Variants in PPM1B observed in about 807,000 individuals in gnomAD.
PPM1B encodes the protein protein phosphatase, Mg2+/Mn2+ dependent 1B.
A neutral mutation model predicts 43.0 loss-of-function variants in PPM1B; 22 were observed. The ratio of observed to expected loss-of-function variants is 0.51; its 90% CI spans 0.37 to 0.73. The LOEUF (loss-of-function observed/expected upper bound fraction) is 0.73. Among genes scored for constraint, PPM1B ranks in the 30% least tolerant of loss-of-function variants. The probability of loss-of-function intolerance (pLI) is 0.00; values close to 1 mark genes in which losing one functional copy is unlikely to be tolerated. For synonymous variants in PPM1B, 217 were observed against 197.9 expected, an observed-to-expected ratio of 1.10 and a Z score of -0.81; for missense variants, 632 against 584.2, an observed-to-expected ratio of 1.08 and a Z score of -0.84.
downstream of PPM1B, chr2:44,232,402 A>G (rs1670494570): frequency 6.3e-7 from 1 of 1,596,060 alleles, no homozygotes; most frequent in Non-Finnish European, 8.5e-7. Context: ...AAAACTTTTA[A>G]TCACAATTTT....
intron 2 of PPM1B, among the ~76,000 whole-genome samples, chr2:44,205,354 GGTGTGTGT>G (rs3074507): frequency 1.1e-5 from 1 of 91,720 alleles, no homozygotes; most frequent in Admixed American, 1.3e-4. Context: ...TGTGGGTGTG[GGTGTGTGT>G]GTGTGTGTGT....
intron 3 of PPM1B, among the ~76,000 whole-genome samples, chr2:44,210,788 A>G (rs1669426225): frequency 6.6e-6 from 1 of 152,088 alleles, no homozygotes. Flanking sequence ...ATATATCAGT[A>G]CTACTTAATA....
At chr2:44,227,985 G>C (rs1464972737) in intron 5 of PPM1B, among the ~76,000 whole-genome samples, 1 of 140,782 alleles carries the variant, frequency 7.1e-6, no homozygotes, top group Non-Finnish European at 1.5e-5. Context: ...GCAGTGGTGC[G>C]ATCTCGGGTC....
chr2:44,177,461 C>T (rs1667634823), intron 1 of PPM1B, among the ~76,000 whole-genome samples: 1 of 141,076 alleles, frequency 7.1e-6, no homozygotes, highest in Non-Finnish European at 1.5e-5. Context: ...TCTTGTTGCC[C>T]AGGCTGGAGT....
intron 5 of PPM1B, among the ~76,000 whole-genome samples, chr2:44,228,438 G>T (rs1257406714): frequency 6.6e-6 from 1 of 152,036 alleles, no homozygotes; most frequent in Non-Finnish European, 1.5e-5. Context: ...TCCCAAAGTG[G>T]TGAAATTGCA....
intron 5 of PPM1B, among the ~76,000 whole-genome samples, chr2:44,222,307 C>G (rs928781375): frequency 6.6e-6 from 1 of 152,022 alleles, no homozygotes; most frequent in Non-Finnish European, 1.5e-5. Context: ...TTATTCATTT[C>G]TAGTAATTTT....
intron 1 of PPM1B, among the ~76,000 whole-genome samples, chr2:44,174,016 A>G (rs1357424585): frequency 6.6e-6 from 1 of 152,246 alleles, no homozygotes; most frequent in Non-Finnish European, 1.5e-5. Context: ...CAATTGTAGT[A>G]TTTTAATTTG....
downstream of PPM1B, among the ~76,000 whole-genome samples, chr2:44,235,747 T>A (rs1379378721): frequency 2.0e-5 from 3 of 151,750 alleles, no homozygotes; most frequent in Non-Finnish European, 4.4e-5. Flanking sequence ...AAAAAAATTC[T>A]AAGTACTCTA....
chr2:44,216,372 G>A (rs1313317799), intron 3 of PPM1B, among the ~76,000 whole-genome samples: 2 of 152,112 alleles, frequency 1.3e-5, no homozygotes, highest in African/African-American at 4.8e-5. Context: ...CAAAAAAATT[G>A]TCTGGTGTAA....
At chr2:44,233,021 A>G (rs1670513229), downstream of PPM1B, 2 of 983,530 alleles carry the variant, frequency 2.0e-6, no homozygotes, top group Non-Finnish European at 2.4e-6. Flanking sequence ...AACTCTCACT[A>G]GAAAATCTTT....
At chr2:44,198,804 A>T (rs1469950627) in intron 1 of PPM1B, among the ~76,000 whole-genome samples, 1 of 152,172 alleles carries the variant, frequency 6.6e-6, no homozygotes, top group African/African-American at 2.4e-5. Context: ...GAAGATTCTT[A>T]CTTTTGGTCA....
Position 44,173,324 on chromosome 2 carries a change from T to G in PPM1B, c.-15+4050T>G, listed in dbSNP as rs148441804. On this transcript the variant is annotated intron_variant, in intron 1 of 5. Transcript: ENST00000282412. ...TCAGAGTATTTAAAGATTTTGAGATTTAGTTTTTAGTAACATATAACATCC... is the reference window on the plus strand; with the variant it reads ...TCAGAGTATTTAAAGATTTTGAGATGTAGTTTTTAGTAACATATAACATCC... Among the ~76,000 whole-genome samples the G allele has an allele frequency of 5.9e-5, 9 of 152,386 alleles. No individual in the cohort carries two copies. The East Asian group carries it at 1.7e-3, about 29-fold the overall frequency.
intron 3 of PPM1B, 90 bp downstream of exon 3, chr2:44,209,417 C>G (rs1669350166): frequency 7.4e-7 from 1 of 1,359,494 alleles, no homozygotes; most frequent in Non-Finnish European, 9.9e-7. Flanking sequence ...GGGCGACACA[C>G]CAAGGCTCTG....
intron 2 of PPM1B, among the ~76,000 whole-genome samples, chr2:44,208,544 C>G (rs12712913): frequency 0.56 from 84,980 of 151,680 alleles, 24,519 homozygotes; most frequent in Admixed American, 0.67. Context: ...GAAACCCCAT[C>G]TCTACTAAAT....
downstream of PPM1B, among the ~76,000 whole-genome samples, chr2:44,236,287 T>C (rs934678731): frequency 1.3e-5 from 2 of 150,814 alleles, no homozygotes; most frequent in Non-Finnish European, 3.0e-5. Context: ...CCTGTAGTCC[T>C]AGCTACTCGG....
At chr2:44,209,417 C>A in intron 3 of PPM1B, 90 bp downstream of exon 3, 2 of 1,359,486 alleles carry the variant, frequency 1.5e-6, no homozygotes, top group Non-Finnish European at 2.0e-6. Flanking sequence ...GGGCGACACA[C>A]CAAGGCTCTG....
downstream of PPM1B, among the ~76,000 whole-genome samples, chr2:44,239,326 T>C (rs561383976): frequency 3.3e-5 from 5 of 152,296 alleles, no homozygotes; most frequent in South Asian, 4.1e-4. Context: ...CTCACACCAC[T>C]TGTCCATTTT....
chr2:44,196,275 G>A (rs940700567), intron 1 of PPM1B, among the ~76,000 whole-genome samples: 2 of 151,896 alleles, frequency 1.3e-5, no homozygotes, highest in Non-Finnish European at 2.9e-5. Context: ...GTTTTTTATC[G>A]CCTTGAAAAT....
intron 1 of PPM1B, among the ~76,000 whole-genome samples, chr2:44,178,676 G>C (rs1667713022): frequency 1.3e-5 from 2 of 151,844 alleles, no homozygotes; most frequent in South Asian, 4.2e-4. Flanking sequence ...TCACCATGTT[G>C]GCCAGGGTGG....
Sources: gnomAD v4.1 joint callset for allele counts (sites outside exome capture counted in the v4.1 genomes callset) on GRCh38, gnomAD v4.1.1 for gene constraint, MANE v1.5 for transcripts, NCBI Gene and HGNC (gene_info 2026-07-23, HGNC 2026-07-21) for gene names.